The following PCDHGB4 variants were observed in gnomAD, a reference collection of about 807,000 sequenced individuals.
PCDHGB4 encodes the protein protocadherin gamma subfamily B, 4, also known as protocadherin gamma-B4.
A neutral mutation model predicts 60.5 loss-of-function variants in PCDHGB4; 38 were observed. That is an observed-to-expected ratio of 0.63 (90% CI 0.48 to 0.82). The LOEUF is 0.82. Among genes scored for constraint, PCDHGB4 ranks in the 40% least tolerant of loss-of-function variants. PCDHGB4 has a pLI of 0.00. For missense variants in PCDHGB4, 1,109 were observed against 1,209.6 expected (o/e 0.92, Z 1.23); for synonymous variants, 456 against 509.7 (o/e 0.89, Z 1.42).
chr5:141,479,466 C>G (rs1004384273), intron 1 of PCDHGB4: 1 of 152,224 alleles, frequency 6.6e-6, no homozygotes, highest in Non-Finnish European at 1.5e-5. Flanking sequence ...AATACAGTGA[C>G]CTCTTGGGAG....
intron 1 of PCDHGB4, chr5:141,404,934 C>A: frequency 5.6e-6 from 9 of 1,613,986 alleles, no homozygotes; most frequent in Non-Finnish European, 6.8e-6. Flanking sequence ...GTCACGCTCA[C>A]AGTAGCCATA....
intron 3 of PCDHGB4, among the ~76,000 whole-genome samples, 153 bp from the exon 4 acceptor site, chr5:141,510,790 GAAGA>G (rs982513431): frequency 6.6e-5 from 10 of 152,264 alleles, no homozygotes; most frequent in African/African-American, 2.4e-4. Context: ...CAACTCTTGT[GAAGA>G]GAGACTACCT....
intron 1 of PCDHGB4, chr5:141,415,300 C>T (rs763286826): frequency 3.1e-6 from 5 of 1,614,222 alleles, no homozygotes; most frequent in East Asian, 4.5e-5. Context: ...CTGCGTCTTC[C>T]TGGCCTTCGT....
At chr5:141,463,265 A>G (rs2099055701) in intron 1 of PCDHGB4, among the ~76,000 whole-genome samples, 1 of 151,998 alleles carries the variant, frequency 6.6e-6, no homozygotes, top group African/African-American at 2.4e-5. Flanking sequence ...ACTCTATCCC[A>G]TAAATTCTGG....
At chr5:141,409,484 G>A in intron 1 of PCDHGB4, 1 of 1,613,974 alleles carries the variant, frequency 6.2e-7, no homozygotes, top group Non-Finnish European at 8.5e-7. Flanking sequence ...CACTGACAGG[G>A]GCAAGCCGCC....
Position 141,491,364 on chromosome 5 carries a change from C to T in PCDHGB4, c.2398-3443C>T. 1 of 1,614,164 alleles carries T rather than the reference C, an allele frequency of 6.2e-7. No homozygotes were observed. The highest frequency in any genetic ancestry group is 8.5e-7 in the Non-Finnish European group (1 of 1,180,000). On this transcript the variant is annotated intron_variant, in intron 1 of 3. Coordinates refer to ENST00000519479, the MANE Select transcript of PCDHGB4 (RefSeq NM_003736.4). This position sits in a 1 kb window ranked among gnomAD's most constrained non-coding sequence, Gnocchi z 6.9. The stretch of plus-strand genomic sequence containing the variant: ...CCGTCAGTCTCTTATCCCTAGTCAC[C>T]TTCACCTTTCTGTCAGCGAAGTGCC...
At chr5:141,422,684 C>T (rs2096664410) in intron 1 of PCDHGB4, 1 of 1,604,876 alleles carries the variant, frequency 6.2e-7, no homozygotes, top group Admixed American at 1.7e-5. Flanking sequence ...AAACAGAATG[C>T]CCTGGTCACT....
intron 1 of PCDHGB4, chr5:141,420,309 A>G (rs1263620304): frequency 2.7e-6 from 4 of 1,460,536 alleles, no homozygotes; most frequent in Non-Finnish European, 3.7e-6. Context: ...TCCTTTTTAT[A>G]TTACAATATG....
At chr5:141,390,385 C>T in intron 1 of PCDHGB4, 104 bp downstream of exon 1, 1 of 1,430,580 alleles carries the variant, frequency 7.0e-7, no homozygotes, top group South Asian at 1.3e-5. Flanking sequence ...TTTTAGATGT[C>T]ATGGATCATT....
rs1446853595 is a variant in PCDHGB4, at chr5:141,491,363, C to T, written c.2398-3444C>T. ...ACCGTCAGTCTCTTATCCCTAGTCA[C>T]CTTCACCTTTCTGTCAGCGAAGTGC... On this transcript the variant is annotated intron_variant, in intron 1 of 3. Coordinates refer to ENST00000519479, the MANE Select transcript of PCDHGB4 (RefSeq NM_003736.4). This position sits in a 1 kb window ranked among gnomAD's most constrained non-coding sequence, Gnocchi z 6.9. The T allele has an allele frequency of 6.2e-7, 1 of 1,614,182 alleles. No individual in the cohort carries two copies. Among genetic ancestry groups the T allele is most frequent in the South Asian group, 1.1e-5 (1 of 91,082 alleles).
chr5:141,449,622 T>A (rs889336036), intron 1 of PCDHGB4, among the ~76,000 whole-genome samples: 1 of 150,910 alleles, frequency 6.6e-6, no homozygotes, highest in African/African-American at 2.4e-5. Context: ...AAAAGTTTTT[T>A]AAAAAGATGT....
intron 1 of PCDHGB4, chr5:141,403,207 C>G: frequency 6.2e-7 from 1 of 1,613,966 alleles, no homozygotes. Context: ...GCACCTTGGT[C>G]ACCGCGGGTA....
rs369637121 is a variant in PCDHGB4 at position 141,388,619 on chromosome 5, C to G, written c.735C>G (p.Asp245Glu). ...ATAATGCTCCAGTGTTCAGTCAAGA[C>G]GTATACAGGGTGAGCCTTTCAGAAA... ...ANDNAPVFSQ[D>E]VYRVSLSENV... Residue 245 changes from aspartate (D) to glutamate (E), a missense_variant, in exon 1 of 4, where the codon GAC becomes GAG. Transcript: ENST00000519479. 18 of 1,613,852 alleles carry G rather than the reference C, an allele frequency of 1.1e-5. No individual in the cohort carries two copies. The African/African-American group carries it at 1.7e-4, about 16-fold the overall frequency.
At chr5:141,501,570 G>C (rs1251110101) in intron 2 of PCDHGB4, among the ~76,000 whole-genome samples, 1 of 151,996 alleles carries the variant, frequency 6.6e-6, no homozygotes, top group African/African-American at 2.4e-5. Flanking sequence ...ATCATATTAG[G>C]CTGGCTTTCA....
intron 1 of PCDHGB4, chr5:141,478,509 G>A: frequency 1.2e-6 from 2 of 1,611,878 alleles, no homozygotes; most frequent in South Asian, 1.1e-5. Flanking sequence ...GTGTTCTATA[G>A]GCAGGTGTTG....
At chr5:141,426,937 C>T in intron 1 of PCDHGB4, 1 of 456,736 alleles carries the variant, frequency 2.2e-6, no homozygotes, top group Non-Finnish European at 4.4e-6. Flanking sequence ...ATGGGTGACC[C>T]AGTCCCAACT....
intron 1 of PCDHGB4, chr5:141,423,465 G>T: frequency 6.2e-7 from 1 of 1,614,006 alleles, no homozygotes; most frequent in South Asian, 1.1e-5. Context: ...GCGTGGACGG[G>T]GTACAGGCTT....
At chr5:141,467,627 G>A (rs2099147481) in intron 1 of PCDHGB4, among the ~76,000 whole-genome samples, 1 of 152,140 alleles carries the variant, frequency 6.6e-6, no homozygotes, top group South Asian at 2.1e-4. Context: ...ATTTGAGATA[G>A]CATCTTTATC....
rs746913952 is a variant in PCDHGB4, at chr5:141,432,898, G to T, written c.2397+42617G>T. 2.5e-6 allele frequency: 4 copies of T among 1,614,174 alleles called. No individual in the cohort carries two copies. Among genetic ancestry groups the T allele is most frequent in the Admixed American group, 3.3e-5 (2 of 60,034 alleles). ...TGGCCTTCGTCATCTTGCTGCTGGC[G>T]CTCAGGCTGCGGCGCTGGCACAAGT... On this transcript the variant is annotated intron_variant, in intron 1 of 3. Coordinates refer to ENST00000519479, the MANE Select transcript of PCDHGB4 (RefSeq NM_003736.4). The surrounding 1 kb of genome is among the most constrained non-coding windows in gnomAD (Gnocchi z 6.0).
Sources: gnomAD v4.1 joint callset for allele counts (sites outside exome capture counted in the v4.1 genomes callset) on GRCh38, gnomAD v4.1.1 for gene constraint, Gnocchi (gnomAD v3.1) non-coding constraint, MANE v1.5 for transcripts, NCBI Gene and HGNC (gene_info 2026-07-23, HGNC 2026-07-21) for gene names.